Variants in SLC26A11 observed in about 807,000 individuals in gnomAD.
The protein encoded by SLC26A11 is sodium-independent sulfate anion transporter.
Under a neutral mutation model 62.2 loss-of-function variants are expected in SLC26A11, and 58 were observed. That is an observed-to-expected ratio of 0.93 (90% confidence interval 0.76 to 1.16). The LOEUF is 1.16. Ranked by LOEUF, SLC26A11 falls within the 50% of genes most tolerant of loss-of-function variation. SLC26A11 has a pLI of 0.00. For missense variants in SLC26A11, 790 were observed against 794.3 expected (o/e 0.99, Z 0.06); for synonymous variants, 411 against 368.9 (o/e 1.11, Z -1.31).
At chr17:80,225,634 G>T in intron 5 of SLC26A11, 1 of 578,566 alleles carries the variant, frequency 1.7e-6, no homozygotes, top group African/African-American at 1.9e-5. Flanking sequence ...TCTCCCACGA[G>T]GGTAGCTTTG....
At chr17:80,231,733 T>C (rs989257019) in intron 7 of SLC26A11, among the ~76,000 whole-genome samples, 2 of 152,260 alleles carry the variant, frequency 1.3e-5, no homozygotes, top group African/African-American at 2.4e-5. Context: ...AGTTTCCAAA[T>C]AGTTGGGGGT....
In SLC26A11 at chr17:80,224,292, A is replaced by T. The variant is rs7405823; in HGVS notation, c.513+955A>T. Among the ~76,000 whole-genome samples the T allele has an allele frequency of 5.4e-4, 75 of 139,562 alleles. 1 individual carries two copies. The highest frequency in any genetic ancestry group is 1.5e-3 in the South Asian group (7 of 4,556). 91.6% of individuals were successfully genotyped at this position (139,562 alleles called of 152,430 possible). On this transcript the variant is annotated intron_variant, in intron 5 of 17. Transcript: ENST00000361193. Reference sequence around the variant, plus strand: ...GTGTGAGTGAGTGCGTGTGTGAGTGAGTGTGCGTGTGTGTGTGAGAGAGTG... The same window carrying T: ...GTGTGAGTGAGTGCGTGTGTGAGTGTGTGTGCGTGTGTGTGTGAGAGAGTG...
At chr17:80,229,438 TG>T (rs372720710) in intron 7 of SLC26A11, among the ~76,000 whole-genome samples, 2 of 141,970 alleles carry the variant, frequency 1.4e-5, no homozygotes, top group East Asian at 3.3e-4. Context: ...TTTTGTTTTT[TG>T]GTTTTTTTTG....
chr17:80,231,555 A>G (rs1245564077), intron 7 of SLC26A11, among the ~76,000 whole-genome samples: 1 of 151,484 alleles, frequency 6.6e-6, no homozygotes, highest in Non-Finnish European at 1.5e-5. Context: ...TGTAAATTTC[A>G]CTCCTAGCAT....
chr17:80,249,241 A>G lies in SLC26A11; in HGVS notation c.1610A>G (p.Gln537Arg). ...TVVLGLGELL[Q>R]DFQKQGVALA... Reference sequence around the variant, plus strand: ...GTGCTGGGACTCGGCGAGCTCCTCCAGGACTTCCAGAAGCAGGGCGTCGCC... The same window carrying G: ...GTGCTGGGACTCGGCGAGCTCCTCCGGGACTTCCAGAAGCAGGGCGTCGCC... The change falls in exon 16 of 18, where the codon CAG (glutamine) becomes CGG (arginine). Residue 537 changes from glutamine to arginine, a missense_variant. Physicochemically the swap from Gln to Arg is conservative, Grantham distance 43. Coordinates refer to ENST00000361193, the MANE Select transcript of SLC26A11 (RefSeq NM_001166347.2). The G allele has an allele frequency of 6.2e-7, 1 of 1,611,608 alleles. No homozygotes were observed. Among genetic ancestry groups the G allele is most frequent in the Non-Finnish European group, 8.5e-7 (1 of 1,179,988 alleles).
In SLC26A11 at chr17:80,223,194, C is replaced by A; in HGVS notation, c.428-58C>A. 1 of 1,509,388 alleles carries A rather than the reference C, an allele frequency of 6.6e-7. No individual in the cohort carries two copies. Among genetic ancestry groups the A allele is most frequent in the Non-Finnish European group, 9.2e-7 (1 of 1,087,374 alleles). 93.5% of individuals were successfully genotyped at this position (1,509,388 alleles called of 1,614,324 possible). A position where few individuals can be genotyped will look rare whatever the true frequency, so the allele number is the denominator to read the frequency against. Reference sequence around the variant, plus strand: ...ACCTTCCCCAGCTCACATCTCCCCTCATCCTCTGGGACTGGGTGGAGCCGG... The same window carrying A: ...ACCTTCCCCAGCTCACATCTCCCCTAATCCTCTGGGACTGGGTGGAGCCGG... On this transcript the variant is annotated intron_variant, in intron 4 of 17. Coordinates refer to ENST00000361193, the MANE Select transcript of SLC26A11 (RefSeq NM_001166347.2). The surrounding 1 kb of genome is among the most constrained non-coding windows in gnomAD (Gnocchi z 4.6).
chr17:80,224,119 C>T (rs2042298695), intron 5 of SLC26A11, among the ~76,000 whole-genome samples: 1 of 152,238 alleles, frequency 6.6e-6, no homozygotes, highest in Non-Finnish European at 1.5e-5. Context: ...CCAGGCTGGC[C>T]TGAGACAGTC....
chr17:80,233,713 A>G (rs147035981), intron 7 of SLC26A11, among the ~76,000 whole-genome samples: 1 of 152,068 alleles, frequency 6.6e-6, no homozygotes, highest in East Asian at 1.9e-4. Flanking sequence ...GGCTGGGACT[A>G]TAGGCATGCA....
In SLC26A11 at chr17:80,237,558, G is replaced by A. The variant is rs2042732967; in HGVS notation, c.949G>A (p.Gly317Ser). 3.7e-6 allele frequency: 6 copies of A among 1,612,082 alleles called. No homozygotes were observed. In the South Asian group the frequency reaches 6.6e-5, roughly 18 times the overall value. ...CGGGCTGGCCGTGGTGCCCCTGATG[G>A]GCCTCCTGGAGAGCATTGCGGTGGC... The part of the protein sequence containing the change: ...GAGLAVVPLM[G>S]LLESIAVAKA... The change falls in exon 9 of 18, where the codon GGC (glycine) becomes AGC (serine). Residue 317 changes from glycine to serine, a missense_variant. Coordinates refer to ENST00000361193, the MANE Select transcript of SLC26A11 (RefSeq NM_001166347.2).
In SLC26A11 at chr17:80,222,606, G is replaced by A; in HGVS notation, c.235-49G>A. 6.3e-7 allele frequency: 1 copy of A among 1,576,612 alleles called. No individual in the cohort carries two copies. On this transcript the variant is annotated intron_variant, in intron 3 of 17. Transcript: ENST00000361193. This position sits in a 1 kb window ranked among gnomAD's most constrained non-coding sequence, Gnocchi z 4.7. ...CTTGGACACGCACACTAGGGAGCTG[G>A]TGGATGGGCCTCGGCCTCCTGAGTG...
Position 80,223,467 on chromosome 17 carries a change from C to A in SLC26A11, c.513+130C>A. ...ACGTCTTGCTGTTTCAGATTGTCTT[C>A]CATGGGTCAAGAAGCACGCGGTGCT... On this transcript the variant is annotated intron_variant, in intron 5 of 17. Coordinates refer to ENST00000361193, the MANE Select transcript of SLC26A11 (RefSeq NM_001166347.2). This position sits in a 1 kb window ranked among gnomAD's most constrained non-coding sequence, Gnocchi z 4.6. 2 of 859,598 alleles carry A rather than the reference C, an allele frequency of 2.3e-6. No homozygotes were observed. Among genetic ancestry groups the A allele is most frequent in the Non-Finnish European group, 3.7e-6 (2 of 533,714 alleles). 53.2% of individuals were successfully genotyped at this position (859,598 alleles called of 1,614,324 possible). A position where few individuals can be genotyped will look rare whatever the true frequency, so the allele number is the denominator to read the frequency against.
At chr17:80,247,920 G>A (rs1418917107) in intron 13 of SLC26A11, among the ~76,000 whole-genome samples, 2 of 152,210 alleles carry the variant, frequency 1.3e-5, no homozygotes, top group Non-Finnish European at 2.9e-5. Context: ...TCTCACCTGC[G>A]CTCAGCTCAG....
chr17:80,245,734 G>A (rs78333132), intron 11 of SLC26A11, among the ~76,000 whole-genome samples: 2,422 of 152,286 alleles, frequency 0.016, 85 homozygotes, highest in African/African-American at 0.056. Context: ...TGAAGCAGCC[G>A]GGCATGAAGC....
At position 80,238,811 on chromosome 17, in the gene SLC26A11, G is replaced by GGTTTTTTTTTTTTTTTTTTTTTTTTTTTT. The variant is rs1555629117; in HGVS notation, c.985+1217_985+1218insGTTTTTTTTTTTTTTTTTTTTTTTTTTTT. Among the ~76,000 whole-genome samples, 6 of 123,262 alleles carry GGTTTTTTTTTTTTTTTTTTTTTTTTTTTT rather than the reference G, an allele frequency of 4.9e-5. 1 individual carries two copies. The highest frequency in any genetic ancestry group is 1.7e-4 in the African/African-American group (5 of 29,230). The allele number at this position is 123,262 out of a possible 152,430, so 80.9% of individuals were successfully genotyped here. On this transcript the variant is annotated intron_variant, in intron 9 of 17. Coordinates refer to ENST00000361193, the MANE Select transcript of SLC26A11 (RefSeq NM_001166347.2). ...TCTAACCCTTACCCCCTTCAAAGGAGTTTTTTTTGTTTTTTGTTTTTTTTT... is the reference window on the plus strand; with the variant it reads ...TCTAACCCTTACCCCCTTCAAAGGAGGTTTTTTTTTTTTTTTTTTTTTTTTTTTTTTTTTTTTGTTTTTTGTTTTTTTTT...
Position 80,237,314 on chromosome 17 carries a change from T to C in SLC26A11, c.913-208T>C, listed in dbSNP as rs909466688. On this transcript the variant is annotated intron_variant, in intron 8 of 17. Coordinates refer to ENST00000361193, the MANE Select transcript of SLC26A11 (RefSeq NM_001166347.2). ...ATGTCACGTTTGTGTTCAGGGGCGC[T>C]TCTCCTGTTTTGGACTCCAGCTGAG... 3 of 757,008 alleles carry C rather than the reference T, an allele frequency of 4.0e-6. No homozygotes were observed. In the African/African-American group the frequency reaches 5.3e-5, roughly 13 times the overall value. The allele number at this position is 757,008 out of a possible 1,614,324, so 46.9% of individuals were successfully genotyped here.
chr17:80,237,099 T>C lies in SLC26A11; in HGVS notation c.908T>C (p.Val303Ala). 1 of 1,607,684 alleles carries C rather than the reference T, an allele frequency of 6.2e-7. No individual in the cohort carries two copies. Among genetic ancestry groups the C allele is most frequent in the Non-Finnish European group, 8.5e-7 (1 of 1,175,624 alleles). Residue 303 changes from valine (V) to alanine (A), a missense_variant, in exon 8 of 18, where the codon GTG (valine) becomes GCG (alanine). Coordinates refer to ENST00000361193, the MANE Select transcript of SLC26A11 (RefSeq NM_001166347.2). ...GGGACGATCTCCTTCACCGAGATGG[T>C]GCAGGTGGGCGGAGCCGGGAGGCAG... ...ANGTISFTEM[V>A]QDMGAGLAVV...
At chr17:80,234,197 G>T (rs1313743552) in intron 7 of SLC26A11, among the ~76,000 whole-genome samples, 1 of 152,058 alleles carries the variant, frequency 6.6e-6, no homozygotes, top group Non-Finnish European at 1.5e-5. Context: ...CAGAGATGGG[G>T]TTTTGCCATG....
At chr17:80,248,479 A>AGGTTAGGGGGCTTGAAG in intron 14 of SLC26A11, 96 bp from the exon 15 acceptor site, 1 of 1,366,806 alleles carries the variant, frequency 7.3e-7, no homozygotes, top group South Asian at 1.4e-5. Flanking sequence ...CCCCTGCAGC[A>AGGTTAGGGGGCTTGAAG]CACTAGGTTG....
rs560729068 is a variant in SLC26A11 at position 80,234,224 on chromosome 17, C to T, written c.737-2704C>T. Among the ~76,000 whole-genome samples, 6 of 152,232 alleles carry T rather than the reference C, an allele frequency of 3.9e-5. No individual in the cohort carries two copies. In the South Asian group the frequency reaches 6.2e-4, roughly 16 times the overall value. ...TTTGCCATGTTGGCCAGGCTGCTTT[C>T]GAACTCCTGACCTCAGGTGATCCGC... On this transcript the variant is annotated intron_variant, in intron 7 of 17. Coordinates refer to ENST00000361193, the MANE Select transcript of SLC26A11 (RefSeq NM_001166347.2).
Sources: gnomAD v4.1 joint callset for allele counts (sites outside exome capture counted in the v4.1 genomes callset) on GRCh38, gnomAD v4.1.1 for gene constraint, Gnocchi (gnomAD v3.1) non-coding constraint, MANE v1.5 for transcripts, NCBI Gene and HGNC (gene_info 2026-07-23, HGNC 2026-07-21) for gene names.